The following KCNMA1 variants were observed in gnomAD, a reference collection of about 807,000 sequenced individuals.
The protein encoded by KCNMA1 is Calcium-activated potassium channel subunit alpha-1.
Under a neutral mutation model 140.0 loss-of-function variants are expected in KCNMA1, and 29 were observed. The observed-to-expected ratio is 0.21, with a 90% CI of 0.15 to 0.28. The LOEUF is 0.28. Among genes scored for constraint, KCNMA1 ranks in the 10% least tolerant of loss-of-function variants. KCNMA1 has a pLI of 1.00. For synonymous variants in KCNMA1, 612 were observed against 611.9 expected (o/e 1.00, Z 0.00); for missense variants, 880 against 1,602.2 (o/e 0.55, Z 7.70).
Position 76,909,971 on chromosome 10 carries a change from T to A in KCNMA1, c.3142A>T (p.Ser1048Cys). ...GAGGGAACAGGATAACTCACCGCGC[T>A]CATGAGTGAGTCCAGGACACTGACG... is the stretch of plus-strand genomic sequence containing the variant. ...FAVSVLDSLM[S>C]ATYFNDNILT... Residue 1048 changes from serine to cysteine, a missense_variant, in exon 25 of 28, where the codon AGC becomes TGC. Physicochemically the swap from Ser to Cys is moderately radical, Grantham distance 112. Around this residue, in one of 13 missense-constraint regions of KCNMA1, gnomAD observed 18 missense variants for 51.3 expected, o/e 0.35. Coordinates refer to ENST00000286628, the MANE Select transcript of KCNMA1 (RefSeq NM_001161352.2). The A allele has an allele frequency of 6.2e-7, 1 of 1,613,676 alleles. No individual in the cohort carries two copies. Among genetic ancestry groups the A allele is most frequent in the Non-Finnish European group, 8.5e-7 (1 of 1,179,894 alleles).
intron 6 of KCNMA1, among the ~76,000 whole-genome samples, chr10:77,113,685 A>C (rs1422988789): frequency 6.6e-6 from 1 of 152,074 alleles, no homozygotes; most frequent in Non-Finnish European, 1.5e-5. Context: ...GCTGATCTCG[A>C]ACTCTTGACC....
At chr10:77,579,856 C>A (rs1329205667) in intron 1 of KCNMA1, among the ~76,000 whole-genome samples, 2 of 152,018 alleles carry the variant, frequency 1.3e-5, no homozygotes, top group Non-Finnish European at 2.9e-5. Context: ...TCCATCTGAC[C>A]CATTGGGGCA....
At chr10:76,933,491 G>C (rs555018503) in intron 23 of KCNMA1, among the ~76,000 whole-genome samples, 17 of 152,308 alleles carry the variant, frequency 1.1e-4, no homozygotes, top group African/African-American at 3.9e-4. Flanking sequence ...TATACCATTA[G>C]TACACAAATA....
At chr10:77,494,972 T>G (rs1194929197) in intron 1 of KCNMA1, among the ~76,000 whole-genome samples, 2 of 152,192 alleles carry the variant, frequency 1.3e-5, no homozygotes. Context: ...AGTTCCCCTT[T>G]TTATAAATAT....
At chr10:77,405,668 G>A (rs1011108604) in intron 1 of KCNMA1, among the ~76,000 whole-genome samples, 1 of 152,202 alleles carries the variant, frequency 6.6e-6, no homozygotes, top group Non-Finnish European at 1.5e-5. Flanking sequence ...GACTGCAGAT[G>A]AAGATGTTTA....
chr10:76,949,071 T>C, intron 22 of KCNMA1, 71 bp downstream of exon 22: 1 of 1,191,208 alleles, frequency 8.4e-7, no homozygotes, highest in Non-Finnish European at 1.3e-6. Context: ...CTACAACTAT[T>C]ATATCCATCC....
intron 12 of KCNMA1, among the ~76,000 whole-genome samples, chr10:77,081,205 GA>G (rs1320115363): frequency 6.6e-6 from 1 of 152,136 alleles, no homozygotes; most frequent in Non-Finnish European, 1.5e-5. Flanking sequence ...CGACCTTTAG[GA>G]AAACCCTGGG....
chr10:77,623,932 T>G (rs1340913523), intron 1 of KCNMA1, among the ~76,000 whole-genome samples: 1 of 152,230 alleles, frequency 6.6e-6, no homozygotes, highest in African/African-American at 2.4e-5. Flanking sequence ...TCCGGTAGCA[T>G]AATCGAATCG....
At chr10:77,572,168 G>A (rs1319804089) in intron 1 of KCNMA1, among the ~76,000 whole-genome samples, 1 of 152,124 alleles carries the variant, frequency 6.6e-6, no homozygotes, top group African/African-American at 2.4e-5. Context: ...TTCGTCACAG[G>A]ATGTCAACAT....
At chr10:77,524,114 T>C (rs189024860) in intron 1 of KCNMA1, among the ~76,000 whole-genome samples, 2 of 152,300 alleles carry the variant, frequency 1.3e-5, no homozygotes, top group East Asian at 3.9e-4. Flanking sequence ...ATTTAAAAGC[T>C]TTTTTAAAAT....
At chr10:77,138,431 A>C (rs12262798) in intron 5 of KCNMA1, among the ~76,000 whole-genome samples, 1,996 of 152,150 alleles carry the variant, frequency 0.013, 55 homozygotes, top group African/African-American at 0.046. Context: ...GTCTGACTTT[A>C]CATCTTAAAT....
At chr10:77,582,737 A>T (rs1029283489) in intron 1 of KCNMA1, among the ~76,000 whole-genome samples, 1 of 152,268 alleles carries the variant, frequency 6.6e-6, no homozygotes, top group Non-Finnish European at 1.5e-5. Flanking sequence ...GGCAGCTCAC[A>T]GAGCCATGCC....
chr10:77,528,848 C>T (rs2056754449), intron 1 of KCNMA1, among the ~76,000 whole-genome samples: 1 of 152,088 alleles, frequency 6.6e-6, no homozygotes, highest in South Asian at 2.1e-4. Context: ...ACACAAAAGG[C>T]CACATATCCT....
chr10:77,477,986 C>A (rs562807573), intron 1 of KCNMA1, among the ~76,000 whole-genome samples: 1 of 152,308 alleles, frequency 6.6e-6, no homozygotes, highest in Admixed American at 6.5e-5. Flanking sequence ...CACACAAAAT[C>A]ACCCGGTTCA....
chr10:77,221,413 T>C (rs1343465128), intron 3 of KCNMA1, among the ~76,000 whole-genome samples: 1 of 152,016 alleles, frequency 6.6e-6, no homozygotes, highest in Non-Finnish European at 1.5e-5. Context: ...ATATGCAAAA[T>C]TGTGGGGGTG....
At chr10:77,225,989 CAT>C (rs1476882202) in intron 3 of KCNMA1, among the ~76,000 whole-genome samples, 1 of 152,200 alleles carries the variant, frequency 6.6e-6, no homozygotes, top group Non-Finnish European at 1.5e-5. Context: ...TGCCAAGTGA[CAT>C]GTGTCTGTGA....
intron 2 of KCNMA1, among the ~76,000 whole-genome samples, chr10:77,317,193 T>G (rs1680878412): frequency 6.6e-6 from 1 of 152,178 alleles, no homozygotes; most frequent in Non-Finnish European, 1.5e-5. Context: ...GTCTGGTTCC[T>G]TGGCCTTGAA....
At chr10:77,045,644 T>C (rs2095000835) in intron 14 of KCNMA1, among the ~76,000 whole-genome samples, 1 of 152,220 alleles carries the variant, frequency 6.6e-6, no homozygotes, top group Non-Finnish European at 1.5e-5. Flanking sequence ...AAGTCACACC[T>C]TCCTGATCCC....
chr10:77,607,272 C>G (rs761031845), intron 1 of KCNMA1, among the ~76,000 whole-genome samples: 1 of 152,172 alleles, frequency 6.6e-6, no homozygotes, highest in Non-Finnish European at 1.5e-5. Context: ...TGCCAGCTGA[C>G]GGACTAGACC....
Sources: allele counts gnomAD v4.1 joint callset (sites outside exome capture counted in the v4.1 genomes callset), GRCh38; gene constraint gnomAD v4.1.1; regional missense constraint gnomAD v4.1.1; transcripts MANE v1.5; gene names NCBI Gene and HGNC (gene_info 2026-07-23, HGNC 2026-07-21).